Variants in SORCS2 observed in about 807,000 individuals in gnomAD.
The protein encoded by SORCS2 is sortilin related VPS10 domain containing receptor 2.
In SORCS2, 100 loss-of-function variants were observed where a neutral mutation model predicts 141.6. The observed-to-expected ratio is 0.71, with a 90% CI of 0.60 to 0.83. The LOEUF is 0.83. SORCS2 is among the 40% of genes least tolerant of loss of function. The pLI, the probability that SORCS2 is intolerant of heterozygous loss-of-function variation, is 0.00. For missense variants in SORCS2, 1,646 were observed against 1,560.2 expected (o/e 1.05, Z -0.93); for synonymous variants, 789 against 676.9 (o/e 1.17, Z -2.57).
intron 3 of SORCS2, among the ~76,000 whole-genome samples, chr4:7,606,025 A>C (rs1171318451): frequency 1.3e-5 from 2 of 152,164 alleles, no homozygotes; most frequent in African/African-American, 4.8e-5. Context: ...GAGCGTGGGG[A>C]CACCACGTCA....
At chr4:7,580,431 A>G (rs1173341883) in intron 3 of SORCS2, among the ~76,000 whole-genome samples, 3 of 152,168 alleles carry the variant, frequency 2.0e-5, no homozygotes, top group Non-Finnish European at 4.4e-5. Flanking sequence ...CGGCGGTTGC[A>G]AAGAGCAGAG....
rs1379876738 is a variant in SORCS2, at chr4:7,734,274, G to C, written c.3211G>C (p.Ala1071Pro). ...ACTGACAACCGCTTTGCTTGCAGGT[G>C]CTGAGCAGCTGGGCGGCGGTGGCGG... ...LVALRDTGTG[A>P]EQLGGGGGYW... The change falls in exon 25 of 27, where the codon GCT (alanine) becomes CCT (proline). Residue 1071 changes from alanine (A) to proline (P), a missense_variant and splice_region_variant. By Grantham distance (27) the Ala-to-Pro change is conservative. Transcript: ENST00000507866. 7 of 1,596,946 alleles carry C rather than the reference G, an allele frequency of 4.4e-6. No homozygotes were observed. In the East Asian group the frequency reaches 1.6e-4, roughly 36 times the overall value.
At chr4:7,283,922 T>C (rs144389247) in intron 1 of SORCS2, among the ~76,000 whole-genome samples, 122 of 152,208 alleles carry the variant, frequency 8.0e-4, no homozygotes, top group African/African-American at 2.8e-3. Context: ...GGATCCTTTG[T>C]GTTTTGATCT....
intron 2 of SORCS2, among the ~76,000 whole-genome samples, chr4:7,454,535 GCTGTGTTGGGGTCAGGCA>G (rs1432036753): frequency 5.1e-5 from 6 of 118,508 alleles, no homozygotes; most frequent in East Asian, 3.1e-4. Flanking sequence ...GGGGTCAGCT[GCTGTGTTGGGGTCAGGCA>G]CTGTGTTGGG....
intron 1 of SORCS2, among the ~76,000 whole-genome samples, chr4:7,393,173 C>T (rs1448401754): frequency 6.6e-6 from 1 of 152,130 alleles, no homozygotes; most frequent in Non-Finnish European, 1.5e-5. Flanking sequence ...CTCTTCTTTC[C>T]TCGTCTGTTG....
intron 2 of SORCS2, among the ~76,000 whole-genome samples, chr4:7,442,971 C>A (rs1422554869): frequency 6.6e-6 from 1 of 152,184 alleles, no homozygotes; most frequent in Non-Finnish European, 1.5e-5. Flanking sequence ...GGCCAGCAAT[C>A]TTCCCCGGGC....
intron 8 of SORCS2, among the ~76,000 whole-genome samples, chr4:7,670,648 T>G (rs554292402): frequency 6.6e-6 from 1 of 152,264 alleles, no homozygotes; most frequent in East Asian, 1.9e-4. Context: ...TCAAGTCTAT[T>G]TGAGAGCTTG....
chr4:7,691,133 T>G (rs1577078858), intron 11 of SORCS2, among the ~76,000 whole-genome samples: 1 of 151,932 alleles, frequency 6.6e-6, no homozygotes, highest in Admixed American at 6.6e-5. Context: ...TCCCTCCATT[T>G]CCCCCAGCAC....
chr4:7,367,561 G>A (rs1721977884), intron 1 of SORCS2, among the ~76,000 whole-genome samples: 1 of 152,202 alleles, frequency 6.6e-6, no homozygotes, highest in Admixed American at 6.5e-5. Flanking sequence ...TAGAGCTATG[G>A]TTGCCAGGGT....
chr4:7,421,588 G>C (rs1726061658), intron 2 of SORCS2, among the ~76,000 whole-genome samples: 1 of 150,600 alleles, frequency 6.6e-6, no homozygotes, highest in Non-Finnish European at 1.5e-5. Context: ...GGCAATGGGA[G>C]TGTGGGGGGT....
intron 18 of SORCS2, among the ~76,000 whole-genome samples, chr4:7,719,463 A>G (rs994294977): frequency 1.3e-5 from 2 of 152,222 alleles, no homozygotes; most frequent in South Asian, 2.1e-4. Context: ...AATGAGTGGC[A>G]GGGCTGGCGT....
At chr4:7,411,503 C>G (rs1466887944) in intron 2 of SORCS2, among the ~76,000 whole-genome samples, 2 of 152,016 alleles carry the variant, frequency 1.3e-5, no homozygotes, top group Non-Finnish European at 2.9e-5. Context: ...TCCACCCTTC[C>G]CACCTTTGCT....
In SORCS2 at chr4:7,729,372, A is replaced by C. The variant is rs368278160; in HGVS notation, c.2983-215A>C. Among the ~76,000 whole-genome samples the C allele has an allele frequency of 5.9e-5, 9 of 152,140 alleles. No individual in the cohort carries two copies. In the East Asian group the frequency reaches 1.6e-3, roughly 26 times the overall value. On this transcript the variant is annotated intron_variant, in intron 22 of 26. Transcript: ENST00000507866. ...GGCCAGTGTGACGGCACAGGTCCTGAATAGCAGGGCTGAGGGCCCTGGGTA... is the reference window on the plus strand; with the variant it reads ...GGCCAGTGTGACGGCACAGGTCCTGCATAGCAGGGCTGAGGGCCCTGGGTA...
intron 2 of SORCS2, among the ~76,000 whole-genome samples, chr4:7,402,360 T>G (rs1724647848): frequency 6.6e-6 from 1 of 152,224 alleles, no homozygotes; most frequent in Non-Finnish European, 1.5e-5. Flanking sequence ...CACATCATAA[T>G]GTATCTTGAT....
chr4:7,611,716 T>C (rs544741129), intron 3 of SORCS2, among the ~76,000 whole-genome samples: 2 of 152,078 alleles, frequency 1.3e-5, no homozygotes, highest in East Asian at 1.9e-4. Context: ...ATGAGAAGAA[T>C]AGGAATCCTC....
chr4:7,468,116 T>C (rs1729732610), intron 2 of SORCS2, among the ~76,000 whole-genome samples: 1 of 152,188 alleles, frequency 6.6e-6, no homozygotes, highest in Admixed American at 6.5e-5. Context: ...GCACAGTTGT[T>C]CTCTGCCCCT....
chr4:7,595,119 G>A (rs1560413005), intron 3 of SORCS2, among the ~76,000 whole-genome samples: 1 of 152,154 alleles, frequency 6.6e-6, no homozygotes, highest in Non-Finnish European at 1.5e-5. Flanking sequence ...AAACTCAGGG[G>A]GTTTCACGGC....
rs145566524 is a variant in SORCS2, at chr4:7,303,126, G to C, written c.481-93162G>C. ...AGGTAATAAAAAGCAAACCTAATTT[G>C]ATTTTTCAAAATTAGTGCGCCCAGA... On this transcript the variant is annotated intron_variant, in intron 1 of 26. Transcript: ENST00000507866. 4.5e-3 allele frequency among the ~76,000 whole-genome samples: 690 copies of C among 152,292 alleles called. 8 individuals carry two copies. Among genetic ancestry groups the C allele is most frequent in the African/African-American group, 0.015 (616 of 41,550 alleles).
At position 7,714,258 on chromosome 4, in the gene SORCS2, G is replaced by A. The variant is rs745366448; in HGVS notation, c.2008G>A (p.Gly670Ser). The A allele has an allele frequency of 1.2e-6, 2 of 1,610,936 alleles. No individual in the cohort carries two copies. The highest frequency in any genetic ancestry group is 1.7e-6 in the Non-Finnish European group (2 of 1,178,840). Residue 670 changes from glycine to serine, a missense_variant, in exon 16 of 27, where the codon GGC becomes AGC. Gly to Ser is a moderately conservative substitution (Grantham distance 56). Transcript: ENST00000507866. ...GCTGCAGGGCGACCGCTGTATCATG[G>A]GCCAGCAGAGAAGTTTCCGGAAAAG... ...SNLQGDRCIM[G>S]QQRSFRKRKS...
Sources: gnomAD v4.1 joint callset for allele counts (sites outside exome capture counted in the v4.1 genomes callset) on GRCh38, gnomAD v4.1.1 for gene constraint, MANE v1.5 for transcripts, NCBI Gene and HGNC (gene_info 2026-07-23, HGNC 2026-07-21) for gene names.